KCNH8: variants seen among roughly 807,000 people sequenced by gnomAD.
KCNH8 encodes the protein potassium voltage-gated channel subfamily H member 8.
A neutral mutation model predicts 103.6 loss-of-function variants in KCNH8; 70 were observed. The ratio of observed to expected loss-of-function variants is 0.68; its 90% CI spans 0.56 to 0.82. The LOEUF (loss-of-function observed/expected upper bound fraction) is 0.82, where lower values mean the gene tolerates loss of function less well. Among genes scored for constraint, KCNH8 ranks in the 40% least tolerant of loss-of-function variants. KCNH8 has a pLI of 0.00. For missense variants in KCNH8, 1,217 were observed against 1,329.9 expected (o/e 0.92, Z 1.32); for synonymous variants, 498 against 489.4 (o/e 1.02, Z -0.23).
chr3:19,455,418 G>T (rs1201884033), intron 10 of KCNH8, among the ~76,000 whole-genome samples: 1 of 152,112 alleles, frequency 6.6e-6, no homozygotes, highest in Non-Finnish European at 1.5e-5. Context: ...TTCAATGAAA[G>T]AGTAACTGAT....
At chr3:19,352,500 A>C (rs1411146111) in intron 5 of KCNH8, among the ~76,000 whole-genome samples, 1 of 152,190 alleles carries the variant, frequency 6.6e-6, no homozygotes, top group African/African-American at 2.4e-5. Context: ...ACTCCTCAGC[A>C]AATGCAAAAG....
chr3:19,373,558 A>G (rs954300608), intron 5 of KCNH8, among the ~76,000 whole-genome samples: 43 of 152,246 alleles, frequency 2.8e-4, no homozygotes, highest in African/African-American at 9.4e-4. Flanking sequence ...TTCAAAAACC[A>G]GCTCCTGGAT....
intron 5 of KCNH8, among the ~76,000 whole-genome samples, chr3:19,370,134 G>C (rs747795205): frequency 1.3e-5 from 2 of 151,966 alleles, no homozygotes; most frequent in African/African-American, 2.4e-5. Context: ...TAGTTCGCTT[G>C]TTATCTCTCG....
intron 2 of KCNH8, among the ~76,000 whole-genome samples, chr3:19,258,955 A>G (rs867099636): frequency 9.3e-6 from 1 of 107,244 alleles, no homozygotes; most frequent in Non-Finnish European, 2.0e-5. Context: ...CTCTATATAT[A>G]TATATATATA....
rs192801741 is a variant in KCNH8 at position 19,373,410 on chromosome 3, T to G, written c.812-17071T>G. Reference sequence around the variant, plus strand: ...TAGTTTATTTGCGTAGAGGTGTTTGTAGTATTCTCTGGTGGTAGTTTGTAT... The same window carrying G: ...TAGTTTATTTGCGTAGAGGTGTTTGGAGTATTCTCTGGTGGTAGTTTGTAT... On this transcript the variant is annotated intron_variant, in intron 5 of 15. Coordinates refer to ENST00000328405, the MANE Select transcript of KCNH8 (RefSeq NM_144633.3). 1.9e-4 allele frequency among the ~76,000 whole-genome samples: 29 copies of G among 152,370 alleles called. No homozygotes were observed. In the East Asian group the frequency reaches 5.4e-3, roughly 28 times the overall value.
intron 3 of KCNH8, among the ~76,000 whole-genome samples, chr3:19,316,590 G>A (rs1441502834): frequency 6.6e-6 from 1 of 151,900 alleles, no homozygotes; most frequent in Non-Finnish European, 1.5e-5. Context: ...CCTCCAAAAA[G>A]GGCTATCTCT....
intron 5 of KCNH8, among the ~76,000 whole-genome samples, chr3:19,372,425 G>C (rs1023848377): frequency 6.7e-6 from 1 of 149,496 alleles, no homozygotes; most frequent in African/African-American, 2.5e-5. Flanking sequence ...TCTGTTGTTG[G>C]TGTATAAGAA....
intron 7 of KCNH8, among the ~76,000 whole-genome samples, chr3:19,415,636 T>G (rs968775856): frequency 2.6e-5 from 4 of 152,044 alleles, no homozygotes; most frequent in Non-Finnish European, 5.9e-5. Flanking sequence ...AGGTAAGATA[T>G]GTACAAGTGT....
intron 10 of KCNH8, among the ~76,000 whole-genome samples, chr3:19,453,188 G>A (rs1274328991): frequency 6.6e-6 from 1 of 152,038 alleles, no homozygotes; most frequent in Non-Finnish European, 1.5e-5. Context: ...AATAGACACG[G>A]GAGACCAGGA....
Position 19,534,135 on chromosome 3 carries a change from C to T in KCNH8, c.*36C>T, listed in dbSNP as rs771140472. On this transcript the variant is annotated 3_prime_UTR_variant, in exon 16 of 16. Transcript: ENST00000328405. ...CATGATGCAGCAGCTAATTTCAAAC[C>T]TACCACTGCATGACAGTTTTAGTTT... 2 of 1,482,176 alleles carry T rather than the reference C, an allele frequency of 1.3e-6. No individual in the cohort carries two copies. The highest frequency in any genetic ancestry group is 4.6e-5 in the East Asian group (2 of 43,786). 91.8% of individuals were successfully genotyped at this position (1,482,176 alleles called of 1,614,324 possible).
At chr3:19,477,978 C>T (rs758842328) in intron 11 of KCNH8, among the ~76,000 whole-genome samples, 1 of 152,080 alleles carries the variant, frequency 6.6e-6, no homozygotes, top group Non-Finnish European at 1.5e-5. Flanking sequence ...TCCATGTATA[C>T]CCATTGTTTA....
intron 11 of KCNH8, among the ~76,000 whole-genome samples, chr3:19,478,683 C>T (rs2068024871): frequency 6.6e-6 from 1 of 152,120 alleles, no homozygotes; most frequent in Admixed American, 6.6e-5. Context: ...ATTCTCGAAA[C>T]AACTCCAGTT....
At chr3:19,359,791 G>A (rs2065925189) in intron 5 of KCNH8, among the ~76,000 whole-genome samples, 2 of 151,988 alleles carry the variant, frequency 1.3e-5, no homozygotes, top group African/African-American at 4.8e-5. Context: ...TATACAAAAG[G>A]GGTGGGGAAA....
At chr3:19,318,099 T>C (rs1021789198) in intron 3 of KCNH8, among the ~76,000 whole-genome samples, 1 of 151,760 alleles carries the variant, frequency 6.6e-6, no homozygotes, top group Non-Finnish European at 1.5e-5. Flanking sequence ...CCCCCAAGCT[T>C]CTTAAGCTGA....
chr3:19,207,030 A>G (rs1296900305), intron 1 of KCNH8, among the ~76,000 whole-genome samples: 2 of 152,048 alleles, frequency 1.3e-5, no homozygotes, highest in South Asian at 2.1e-4. Flanking sequence ...TGGAAAATGC[A>G]TACCTGAAAC....
chr3:19,445,585 C>A (rs1298371634), intron 8 of KCNH8, among the ~76,000 whole-genome samples: 1 of 151,606 alleles, frequency 6.6e-6, no homozygotes, highest in African/African-American at 2.4e-5. Flanking sequence ...TAAGTTCTTG[C>A]CTTTCATATC....
At chr3:19,165,358 G>C (rs139610987) in intron 1 of KCNH8, among the ~76,000 whole-genome samples, 7 of 152,238 alleles carry the variant, frequency 4.6e-5, no homozygotes, top group Non-Finnish European at 8.8e-5. Flanking sequence ...GTTTGTGCAG[G>C]TACAGACTAT....
intron 5 of KCNH8, among the ~76,000 whole-genome samples, chr3:19,360,881 G>A (rs2065938530): frequency 6.6e-6 from 1 of 151,962 alleles, no homozygotes; most frequent in African/African-American, 2.4e-5. Context: ...GGAAGTACAG[G>A]CAAATTAAAA....
intron 1 of KCNH8, among the ~76,000 whole-genome samples, chr3:19,225,230 C>T (rs1042530099): frequency 6.6e-6 from 1 of 151,242 alleles, no homozygotes; most frequent in Non-Finnish European, 1.5e-5. Flanking sequence ...TTTTTATGGA[C>T]CCACAAAAAT....
Sources: allele counts gnomAD v4.1 joint callset (sites outside exome capture counted in the v4.1 genomes callset), GRCh38; gene constraint gnomAD v4.1.1; transcripts MANE v1.5; gene names NCBI Gene and HGNC (gene_info 2026-07-23, HGNC 2026-07-21).